The following C5 variants were observed in gnomAD, a reference collection of about 807,000 sequenced individuals.
C5 encodes the protein C3 and PZP-like alpha-2-macroglobulin domain-containing protein 4.
C5 carries 140 observed loss-of-function variants against 218.8 expected under a neutral mutation model. That is an observed-to-expected ratio of 0.64 (90% CI 0.56 to 0.74). C5 has a LOEUF of 0.74. Ranked by LOEUF, C5 falls within the 30% of genes least tolerant of loss-of-function variation. The probability of loss-of-function intolerance (pLI) is 0.00; values close to 1 mark genes in which losing one functional copy is unlikely to be tolerated. For missense variants in C5, 1,700 were observed against 1,969.6 expected (o/e 0.86, Z 2.59); for synonymous variants, 614 against 682.3 (o/e 0.90, Z 1.56).
chr9:121,036,005 A>AGTGT (rs2047521073), intron 4 of C5, among the ~76,000 whole-genome samples: 2 of 151,476 alleles, frequency 1.3e-5, no homozygotes, highest in South Asian at 4.2e-4. Context: ...AGCTATGATC[A>AGTGT]CACCACTGCA....
intron 12 of C5, among the ~76,000 whole-genome samples, chr9:121,019,731 C>T (rs1055091628): frequency 1.3e-5 from 2 of 152,206 alleles, no homozygotes; most frequent in African/African-American, 4.8e-5. Flanking sequence ...TTTTCCTCTT[C>T]CCAGCTGAGT....
At chr9:120,983,862 C>CT (rs1271288496) in intron 25 of C5, among the ~76,000 whole-genome samples, 2 of 152,144 alleles carry the variant, frequency 1.3e-5, no homozygotes, top group African/African-American at 4.8e-5. Context: ...CTAGCAGTCC[C>CT]TGTCCCCCTC....
chr9:121,066,862 G>GAAAAAAAAAA, the C5 span, among the ~76,000 whole-genome samples: 1 of 134,970 alleles, frequency 7.4e-6, no homozygotes, highest in African/African-American at 2.9e-5. Context: ...CTCAAAAAAA[G>GAAAAAAAAAA]AAAAAAAAAA....
chr9:120,997,801 A>C, intron 20 of C5, 27 bp from the exon 21 acceptor site: 1 of 1,577,982 alleles, frequency 6.3e-7, no homozygotes, highest in Non-Finnish European at 8.6e-7. Flanking sequence ...GAATTATATC[A>C]AAATACATTT....
chr9:121,022,705 ATAATAAAATATATTATTTG>A (rs1564155663), intron 10 of C5, among the ~76,000 whole-genome samples: 2 of 150,198 alleles, frequency 1.3e-5, no homozygotes, highest in Admixed American at 1.3e-4. Flanking sequence ...TTTAATCAAC[ATAATAAAATATATTATTTG>A]TAATAAAATA....
intron 39 of C5, among the ~76,000 whole-genome samples, chr9:120,954,395 T>A (rs2046769955): frequency 6.6e-6 from 1 of 152,238 alleles, no homozygotes; most frequent in Non-Finnish European, 1.5e-5. Flanking sequence ...ATAGTAATTT[T>A]GGGATTCTCA....
intron 23 of C5, among the ~76,000 whole-genome samples, chr9:120,990,467 G>GTGATAGTATTA (rs1265451249): frequency 6.6e-6 from 1 of 152,186 alleles, no homozygotes; most frequent in African/African-American, 2.4e-5. Flanking sequence ...AATCACCAAG[G>GTGATAGTATTA]TGATAGTATT....
intron 20 of C5, 136 bp downstream of exon 20, chr9:121,005,783 C>A: frequency 1.2e-6 from 1 of 810,930 alleles, no homozygotes; most frequent in Non-Finnish European, 2.1e-6. Flanking sequence ...TAGTACAATG[C>A]TCATTTTAAG....
At chr9:120,981,378 A>G (rs968381842) in intron 27 of C5, among the ~76,000 whole-genome samples, 3 of 152,218 alleles carry the variant, frequency 2.0e-5, no homozygotes, top group Non-Finnish European at 4.4e-5. Flanking sequence ...CCCGTTTCCA[A>G]GCAAATGTTG....
At position 120,953,877 on chromosome 9, in the gene C5, C is replaced by A. The variant is rs749681975; in HGVS notation, c.4763-9G>T. ...CTCAGCAACAGCTTCCCCTGAGAGA[C>A]ATGCAAGTCAAGTAAGGTTATACCA... On this transcript the variant is annotated splice_polypyrimidine_tract_variant and intron_variant, in intron 39 of 40. Transcript: ENST00000223642. 6.2e-7 allele frequency: 1 copy of A among 1,613,754 alleles called. No homozygotes were observed. The highest frequency in any genetic ancestry group is 8.5e-7 in the Non-Finnish European group (1 of 1,179,682).
chr9:121,047,302 A>G (rs553325595), intron 1 of C5, among the ~76,000 whole-genome samples: 98 of 152,304 alleles, frequency 6.4e-4, no homozygotes, highest in African/African-American at 2.3e-3. Context: ...TCAAGTTTAT[A>G]TGTTATTCAC....
chr9:121,073,359 CTCT>C, the C5 span, among the ~76,000 whole-genome samples: 1 of 152,328 alleles, frequency 6.6e-6, no homozygotes, highest in East Asian at 1.9e-4. Context: ...CTTGCCTAAA[CTCT>C]TCTTTTGGGC....
chr9:121,044,971 A>G (rs979526310), intron 2 of C5, among the ~76,000 whole-genome samples: 3 of 135,498 alleles, frequency 2.2e-5, no homozygotes, highest in Non-Finnish European at 4.6e-5. Context: ...TTTTTTTGAG[A>G]TGGAGTCTCA....
chr9:121,066,050 C>T, the C5 span, among the ~76,000 whole-genome samples: 1 of 152,212 alleles, frequency 6.6e-6, no homozygotes, highest in Middle Eastern at 3.4e-3. Flanking sequence ...CGCGGTGTCT[C>T]ACGCCTGTAA....
chr9:120,968,033 C>T (rs1358784509), intron 33 of C5, among the ~76,000 whole-genome samples: 1 of 152,116 alleles, frequency 6.6e-6, no homozygotes, highest in Admixed American at 6.6e-5. Context: ...AAAACCTACA[C>T]TTTCATAAAT....
intron 39 of C5, among the ~76,000 whole-genome samples, chr9:120,956,259 G>C (rs913927216): frequency 6.6e-6 from 1 of 151,868 alleles, no homozygotes; most frequent in African/African-American, 2.4e-5. Context: ...GTGCCACTGC[G>C]CTCCAGCCTG....
At chr9:121,055,275 G>C (rs1034983857), upstream of C5, among the ~76,000 whole-genome samples, 1 of 151,964 alleles carries the variant, frequency 6.6e-6, no homozygotes, top group African/African-American at 2.4e-5. Flanking sequence ...ACTCATATTG[G>C]CTCAAAATAT....
At position 121,023,411 on chromosome 9, in the gene C5, G is replaced by A; in HGVS notation, c.1109C>T (p.Pro370Leu). Reference protein sequence around the residue: ...PLFLKPGIPYPIKVQVKDSLD... With the variant: ...PLFLKPGIPYLIKVQVKDSLD... Reference sequence around the variant, plus strand: ...CCCCCTCACCCAATCTACCTTGATGGGATATGGAATCCCAGGCTTCAGGAA... The same window carrying A: ...CCCCCTCACCCAATCTACCTTGATGAGATATGGAATCCCAGGCTTCAGGAA... Residue 370 changes from proline to leucine, a missense_variant, in exon 10 of 41, where the codon CCC becomes CTC. Coordinates refer to ENST00000223642, the MANE Select transcript of C5 (RefSeq NM_001735.3). 6.3e-7 allele frequency: 1 copy of A among 1,592,582 alleles called. No homozygotes were observed. Among genetic ancestry groups the A allele is most frequent in the Non-Finnish European group, 8.6e-7 (1 of 1,160,438 alleles).
intron 22 of C5, among the ~76,000 whole-genome samples, chr9:120,995,875 G>C (rs1365221207): frequency 2.0e-5 from 3 of 148,104 alleles, no homozygotes; most frequent in African/African-American, 7.5e-5. Context: ...CTGGAGTGCA[G>C]TGGCACGATC....
Sources: allele counts gnomAD v4.1 joint callset (sites outside exome capture counted in the v4.1 genomes callset), GRCh38; gene constraint gnomAD v4.1.1; transcripts MANE v1.5; gene names NCBI Gene and HGNC (gene_info 2026-07-23, HGNC 2026-07-21).